Variants in ARHGAP42 observed in about 807,000 individuals in gnomAD.
ARHGAP42 encodes the protein rho GTPase-activating protein 42.
A neutral mutation model predicts 125.0 loss-of-function variants in ARHGAP42; 63 were observed. The observed-to-expected ratio is 0.50, with a 90% CI of 0.41 to 0.62. The LOEUF (loss-of-function observed/expected upper bound fraction) is 0.62, where lower values mean the gene tolerates loss of function less well. ARHGAP42 is among the 20% of genes least tolerant of loss of function. The probability of loss-of-function intolerance (pLI) is 0.00; values close to 1 mark genes in which losing one functional copy is unlikely to be tolerated. For missense variants in ARHGAP42, 766 were observed against 1,024.2 expected, an observed-to-expected ratio of 0.75 and a Z score of 3.44; for synonymous variants, 339 against 351.0, an observed-to-expected ratio of 0.97 and a Z score of 0.38.
At chr11:100,750,443 C>G (rs1373583544) in intron 1 of ARHGAP42, among the ~76,000 whole-genome samples, 1 of 147,962 alleles carries the variant, frequency 6.8e-6, no homozygotes, top group Non-Finnish European at 1.5e-5. Flanking sequence ...AGCAGGAAAT[C>G]GGAATGAGTC....
At chr11:100,689,902 C>T (rs956165586) in intron 1 of ARHGAP42, among the ~76,000 whole-genome samples, 3 of 152,122 alleles carry the variant, frequency 2.0e-5, no homozygotes, top group Non-Finnish European at 4.4e-5. Context: ...TACCAAGCCA[C>T]CTTTTGTCCC....
chr11:100,987,397 T>C lies in ARHGAP42; in HGVS notation c.2457-116T>C, dbSNP rs909384918. 1.8e-5 allele frequency: 15 copies of C among 821,414 alleles called. No individual in the cohort carries two copies. The African/African-American group carries it at 2.2e-4, about 12-fold the overall frequency. 50.9% of individuals were successfully genotyped at this position (821,414 alleles called of 1,614,324 possible). Reference sequence around the variant, plus strand: ...GATGTACACTCATATATGCACTTTATGTACATTATGTTCCAATTACAAGTA... The same window carrying C: ...GATGTACACTCATATATGCACTTTACGTACATTATGTTCCAATTACAAGTA... On this transcript the variant is annotated intron_variant, in intron 22 of 23. Coordinates refer to ENST00000298815, the MANE Select transcript of ARHGAP42 (RefSeq NM_152432.4).
rs1329773803 is a variant in ARHGAP42 at position 100,687,647 on chromosome 11, T to C, written c.-32T>C. 4.3e-6 allele frequency: 6 copies of C among 1,409,252 alleles called. No homozygotes were observed. In the East Asian group the frequency reaches 1.8e-4, roughly 43 times the overall value. The allele number at this position is 1,409,252 out of a possible 1,614,324, so 87.3% of individuals were successfully genotyped here. On this transcript the variant is annotated 5_prime_UTR_variant, in exon 1 of 24. Transcript: ENST00000298815. ...CCCGCCCTGACCTCCGGCCCGGACG[T>C]GTCCGCGGCCGCCGCTGGCAGCGCC... is the stretch of plus-strand genomic sequence containing the variant.
intron 3 of ARHGAP42, among the ~76,000 whole-genome samples, chr11:100,810,957 A>T (rs1006483088): frequency 2.6e-4 from 39 of 152,002 alleles, no homozygotes; most frequent in African/African-American, 7.5e-4. Flanking sequence ...TATTTATTTT[A>T]TTTATTTTGG....
chr11:100,943,244 T>C (rs1867928288), intron 9 of ARHGAP42, among the ~76,000 whole-genome samples: 1 of 151,998 alleles, frequency 6.6e-6, no homozygotes, highest in African/African-American at 2.4e-5. Context: ...TATTATATCA[T>C]GTATATACTG....
intron 20 of ARHGAP42, 146 bp from the exon 21 acceptor site, chr11:100,976,669 T>C (rs1157064635): frequency 3.2e-5 from 36 of 1,122,180 alleles, no homozygotes; most frequent in Non-Finnish European, 2.5e-6. Context: ...TCTCCCCAAG[T>C]GATGGGTTGC....
Position 100,795,151 on chromosome 11 carries a change from A to G in ARHGAP42, c.297A>G (p.Glu99=). ...EFARLLIAVE[E]ERRRLIQNAN... Reference sequence around the variant, plus strand: ...CAAGACTACTCATTGCAGTAGAAGAAGAAAGGCGAAGACTGGTAAGTCTGT... The same window carrying G: ...CAAGACTACTCATTGCAGTAGAAGAGGAAAGGCGAAGACTGGTAAGTCTGT... Residue 99 remains glutamate, a synonymous_variant, in exon 3 of 24, where the codon GAA becomes GAG. Transcript: ENST00000298815. The G allele has an allele frequency of 1.3e-6, 2 of 1,542,754 alleles. No individual in the cohort carries two copies. Among genetic ancestry groups the G allele is most frequent in the Non-Finnish European group, 1.8e-6 (2 of 1,142,620 alleles).
At chr11:100,706,637 A>G (rs879541589) in intron 1 of ARHGAP42, among the ~76,000 whole-genome samples, 1 of 152,194 alleles carries the variant, frequency 6.6e-6, no homozygotes, top group Non-Finnish European at 1.5e-5. Context: ...CAAATGATTT[A>G]TATTTCCTGT....
chr11:100,877,957 A>T (rs112767022), intron 4 of ARHGAP42, among the ~76,000 whole-genome samples: 39,254 of 144,772 alleles, frequency 0.27, 5,447 homozygotes, highest in Non-Finnish European at 0.3. Flanking sequence ...GTGAGCCGAG[A>T]TCATACCACT....
intron 4 of ARHGAP42, among the ~76,000 whole-genome samples, chr11:100,876,188 T>A (rs1440374706): frequency 6.6e-6 from 1 of 152,236 alleles, no homozygotes; most frequent in Non-Finnish European, 1.5e-5. Context: ...TGAACTTGAA[T>A]TTGACCTTGA....
At chr11:100,825,169 C>A (rs1005221223) in intron 3 of ARHGAP42, among the ~76,000 whole-genome samples, 3 of 152,306 alleles carry the variant, frequency 2.0e-5, no homozygotes, top group Admixed American at 6.5e-5. Flanking sequence ...AATCAACTGG[C>A]ATAGACTACC....
chr11:100,715,428 C>T (rs2120252075), intron 1 of ARHGAP42, among the ~76,000 whole-genome samples: 1 of 152,210 alleles, frequency 6.6e-6, no homozygotes, highest in South Asian at 2.1e-4. Context: ...GTGGGGCATG[C>T]ACAGAAAAGA....
At chr11:100,902,520 A>G (rs1392953071) in intron 4 of ARHGAP42, among the ~76,000 whole-genome samples, 1 of 152,232 alleles carries the variant, frequency 6.6e-6, no homozygotes, top group African/African-American at 2.4e-5. Flanking sequence ...TAACATACTC[A>G]ATAAAGATGT....
At chr11:100,875,407 C>G (rs888180599) in intron 4 of ARHGAP42, among the ~76,000 whole-genome samples, 1 of 151,958 alleles carries the variant, frequency 6.6e-6, no homozygotes, top group African/African-American at 2.4e-5. Flanking sequence ...AAGGACGTTG[C>G]AATTTAAGGC....
intron 4 of ARHGAP42, among the ~76,000 whole-genome samples, chr11:100,891,372 AT>A (rs967867397): frequency 1.0e-4 from 15 of 146,902 alleles, no homozygotes; most frequent in East Asian, 4.0e-4. Context: ...CCAGGTAGAC[AT>A]TTTTTTTTAA....
At chr11:100,847,866 C>T (rs989222297) in intron 3 of ARHGAP42, among the ~76,000 whole-genome samples, 1 of 152,118 alleles carries the variant, frequency 6.6e-6, no homozygotes, top group Admixed American at 6.5e-5. Flanking sequence ...TTGGCAGAAA[C>T]ATCTGGGTTG....
At chr11:100,784,029 A>C (rs1863375478) in intron 2 of ARHGAP42, among the ~76,000 whole-genome samples, 1 of 151,420 alleles carries the variant, frequency 6.6e-6, no homozygotes, top group Non-Finnish European at 1.5e-5. Context: ...CTGTGAGAGT[A>C]TCAGAGCCAG....
At chr11:100,872,913 C>G (rs1486025830) in intron 4 of ARHGAP42, among the ~76,000 whole-genome samples, 1 of 152,168 alleles carries the variant, frequency 6.6e-6, no homozygotes, top group Non-Finnish European at 1.5e-5. Flanking sequence ...ACAGACCACA[C>G]ATTGTAGCAG....
intron 6 of ARHGAP42, among the ~76,000 whole-genome samples, chr11:100,926,356 C>T (rs1214145653): frequency 6.6e-6 from 1 of 152,122 alleles, no homozygotes; most frequent in Non-Finnish European, 1.5e-5. Context: ...AACTCAGAAC[C>T]CAAATCTGAA....
Sources: allele counts gnomAD v4.1 joint callset (sites outside exome capture counted in the v4.1 genomes callset), GRCh38; gene constraint gnomAD v4.1.1; transcripts MANE v1.5; gene names NCBI Gene and HGNC (gene_info 2026-07-23, HGNC 2026-07-21).